Variants in KCTD1 observed in about 807,000 individuals in gnomAD.
KCTD1 encodes the protein BTB/POZ domain-containing protein KCTD1.
A neutral mutation model predicts 66.0 loss-of-function variants in KCTD1; 24 were observed. The observed-to-expected ratio is 0.36, with a 90% confidence interval of 0.26 to 0.51. KCTD1 has a LOEUF of 0.51. Among genes scored for constraint, KCTD1 ranks in the 20% least tolerant of loss-of-function variants. The pLI, the probability that KCTD1 is intolerant of heterozygous loss-of-function variation, is 0.95. For synonymous variants in KCTD1, 511 were observed against 517.2 expected, an observed-to-expected ratio of 0.99 and a Z score of 0.16; for missense variants, 943 against 1,205.2, an observed-to-expected ratio of 0.78 and a Z score of 3.22.
chr18:26,582,000 C>T (rs1300751826), intron 1 of KCTD1, among the ~76,000 whole-genome samples: 3 of 151,856 alleles, frequency 2.0e-5, no homozygotes, highest in Admixed American at 1.3e-4. Flanking sequence ...GGGCATGCTG[C>T]CTCATGCCTG....
At chr18:26,621,863 GTGGCCTC>G (rs1987393930) in intron 1 of KCTD1, among the ~76,000 whole-genome samples, 1 of 152,166 alleles carries the variant, frequency 6.6e-6, no homozygotes, top group East Asian at 1.9e-4. Context: ...CGTGCTTTCT[GTGGCCTC>G]TGCAGGAGAG....
At chr18:26,631,964 G>A (rs1433711832), upstream of KCTD1, among the ~76,000 whole-genome samples, 1 of 151,934 alleles carries the variant, frequency 6.6e-6, no homozygotes, top group African/African-American at 2.4e-5. Context: ...GCAGGAGAAT[G>A]GTGTGAACCC....
upstream of KCTD1, among the ~76,000 whole-genome samples, chr18:26,643,923 C>T (rs569442104): frequency 2.0e-5 from 3 of 152,036 alleles, no homozygotes; most frequent in Non-Finnish European, 4.4e-5. Context: ...GATAGCACCA[C>T]TGCACTCCAG....
chr18:26,594,946 A>G (rs1252143312), intron 1 of KCTD1, among the ~76,000 whole-genome samples: 1 of 151,902 alleles, frequency 6.6e-6, no homozygotes, highest in Non-Finnish European at 1.5e-5. Context: ...ATGTGAGCCA[A>G]TCCCTTAGAA....
chr18:26,589,986 T>C (rs1986561079), intron 1 of KCTD1, among the ~76,000 whole-genome samples: 1 of 152,210 alleles, frequency 6.6e-6, no homozygotes, highest in Admixed American at 6.5e-5. Flanking sequence ...AAGGCAGAAC[T>C]GAAAGGAGGT....
intron 1 of KCTD1, among the ~76,000 whole-genome samples, chr18:26,573,131 A>G (rs1335048238): frequency 6.6e-6 from 1 of 152,100 alleles, no homozygotes; most frequent in Non-Finnish European, 1.5e-5. Context: ...ACCATCCTGA[A>G]ATGTAATTCA....
rs143658122 is a variant in KCTD1, at chr18:26,584,980, G to A, written c.-16+44167C>T. Among the ~76,000 whole-genome samples, 205 of 152,248 alleles carry A rather than the reference G, an allele frequency of 1.3e-3. 2 individuals are homozygous for A. The highest frequency in any genetic ancestry group is 4.8e-3 in the African/African-American group (201 of 41,538). On this transcript the variant is annotated intron_variant, in intron 1 of 4. Coordinates refer to the KCTD1 transcript ENST00000317932. ...GGGAGTGAGCTGAGGGACTGTGGGG[G>A]TGGCAGGCAGGTCTAGATTGCAAGG...
intron 1 of KCTD1, among the ~76,000 whole-genome samples, chr18:26,588,187 G>A (rs1181119973): frequency 6.6e-6 from 1 of 152,156 alleles, no homozygotes; most frequent in Non-Finnish European, 1.5e-5. Context: ...AGTACTTTGG[G>A]AAGCCAAGGC....
intron 3 of KCTD1, 102 bp from the exon 4 acceptor site, chr18:26,460,027 T>A: frequency 1.2e-6 from 1 of 853,782 alleles, no homozygotes; most frequent in Non-Finnish European, 1.8e-6. Context: ...GTTATGTCAC[T>A]AATCAAATCT....
upstream of KCTD1, among the ~76,000 whole-genome samples, chr18:26,630,127 G>A (rs368843417): frequency 4.4e-4 from 67 of 152,202 alleles, 2 homozygotes; most frequent in South Asian, 0.013. Flanking sequence ...ACATTTATCC[G>A]AATGGTGCAA....
intron 1 of KCTD1, among the ~76,000 whole-genome samples, chr18:26,514,528 C>G (rs914984646): frequency 7.5e-6 from 1 of 132,672 alleles, no homozygotes; most frequent in Non-Finnish European, 1.6e-5. Context: ...CTAGCCCAGG[C>G]AACAGAGTGA....
intron 1 of KCTD1, among the ~76,000 whole-genome samples, chr18:26,540,440 CAG>C (rs979818555): frequency 6.6e-6 from 1 of 152,212 alleles, no homozygotes; most frequent in Non-Finnish European, 1.5e-5. Flanking sequence ...CCTTGAATGA[CAG>C]GGGTTTGAAC....
chr18:26,574,589 A>T (rs995037900), intron 1 of KCTD1, among the ~76,000 whole-genome samples: 1 of 152,238 alleles, frequency 6.6e-6, no homozygotes, highest in East Asian at 1.9e-4. Flanking sequence ...TATTTATAAT[A>T]ACTACGAATA....
At chr18:26,533,316 A>G (rs1179679012) in intron 1 of KCTD1, among the ~76,000 whole-genome samples, 1 of 152,224 alleles carries the variant, frequency 6.6e-6, no homozygotes, top group African/African-American at 2.4e-5. Flanking sequence ...CTAAAATGTG[A>G]ATTATTTGAT....
intron 1 of KCTD1, among the ~76,000 whole-genome samples, chr18:26,513,985 A>T (rs140875933): frequency 3.9e-4 from 60 of 152,354 alleles, no homozygotes; most frequent in Middle Eastern, 6.8e-3. Flanking sequence ...AGGAGAAAAC[A>T]GCAAATAAAA....
rs772698681 is a variant in KCTD1 at position 26,548,315 on chromosome 18, G to C, written c.222C>G (p.Asp74Glu). Reference protein sequence around the residue: ...DEIQEVQITGDEEEEEDGGGG... With the variant: ...DEIQEVQITGEEEEEEDGGGG... ...CACCTCCGTCCTCCTCCTCCTCCTC[G>C]TCCCCCGTTATCTGCACCTCCTGGA... Residue 74 changes from aspartate (D) to glutamate (E), a missense_variant, in exon 1 of 5, where the codon GAC (aspartate) becomes GAG (glutamate). By Grantham distance (45) the Asp-to-Glu change is conservative. This residue lies in a region of KCTD1 where 236 missense variants were observed against 206.6 expected (regional missense o/e 1.14). Coordinates refer to ENST00000580059, the MANE Select transcript of KCTD1 (RefSeq NM_001142730.3). 8 of 1,472,978 alleles carry C rather than the reference G, an allele frequency of 5.4e-6. No individual in the cohort carries two copies. The South Asian group carries it at 7.9e-5, about 15-fold the overall frequency. The allele number at this position is 1,472,978 out of a possible 1,614,324, so 91.2% of individuals were successfully genotyped here.
At chr18:26,641,552 T>G (rs1987834034), upstream of KCTD1, among the ~76,000 whole-genome samples, 1 of 152,124 alleles carries the variant, frequency 6.6e-6, no homozygotes, top group South Asian at 2.1e-4. Flanking sequence ...ATTTCCCCAC[T>G]GGTCTCCATT....
At chr18:26,599,026 T>C (rs1010629198) in intron 1 of KCTD1, among the ~76,000 whole-genome samples, 6 of 152,222 alleles carry the variant, frequency 3.9e-5, no homozygotes, top group African/African-American at 1.4e-4. Context: ...ATTTTTTCTT[T>C]TGTTACTTGT....
intron 1 of KCTD1, among the ~76,000 whole-genome samples, chr18:26,569,773 A>T (rs1986061207): frequency 1.3e-5 from 2 of 152,150 alleles, no homozygotes; most frequent in Admixed American, 1.3e-4. Flanking sequence ...GAAATCATCT[A>T]TTGGAATTTA....
Sources: gnomAD v4.1 joint callset for allele counts (sites outside exome capture counted in the v4.1 genomes callset) on GRCh38, gnomAD v4.1.1 for gene constraint, gnomAD v4.1.1 regional missense constraint, MANE v1.5 for transcripts, NCBI Gene and HGNC (gene_info 2026-07-23, HGNC 2026-07-21) for gene names.